The following TCEA3 variants were observed in gnomAD, a reference collection of about 807,000 sequenced individuals.
TCEA3 encodes transcription elongation factor A3.
A neutral mutation model predicts 44.0 loss-of-function variants in TCEA3; 36 were observed. The observed-to-expected ratio is 0.82, with a 90% CI of 0.63 to 1.08. The LOEUF (loss-of-function observed/expected upper bound fraction) is 1.08, where lower values mean the gene tolerates loss of function less well. Ranked by LOEUF, TCEA3 falls within the 50% of genes least tolerant of loss-of-function variation. TCEA3 has a pLI of 0.00. For missense variants in TCEA3, 392 were observed against 441.2 expected, an observed-to-expected ratio of 0.89 and a Z score of 1.00; for synonymous variants, 162 against 159.7, an observed-to-expected ratio of 1.01 and a Z score of -0.11.
chr1:23,402,454 C>T lies in TCEA3; in HGVS notation c.444-4499G>A, dbSNP rs547900082. Among the ~76,000 whole-genome samples the T allele has an allele frequency of 1.4e-4, 22 of 152,328 alleles. No homozygotes were observed. In the East Asian group the frequency reaches 1.5e-3, roughly 11 times the overall value. On this transcript the variant is annotated intron_variant, in intron 5 of 10. Transcript: ENST00000450454. ...CATGCCATGCTCTCCGCATGGTTTA[C>T]GGAAGGCCTCCACAGCACTGCTTCT...
chr1:23,409,890 C>T (rs965577140), intron 4 of TCEA3, among the ~76,000 whole-genome samples: 2 of 151,868 alleles, frequency 1.3e-5, no homozygotes, highest in Admixed American at 1.3e-4. Flanking sequence ...TGTCCGACAC[C>T]CCATGTAAAT....
At chr1:23,423,597 G>T (rs1640126735) in intron 1 of TCEA3, among the ~76,000 whole-genome samples, 1 of 152,202 alleles carries the variant, frequency 6.6e-6, no homozygotes. Context: ...GGTGGCTGCA[G>T]CACATGGCTA....
At chr1:23,381,760 C>T (rs1270326628) in intron 10 of TCEA3, among the ~76,000 whole-genome samples, 1 of 152,200 alleles carries the variant, frequency 6.6e-6, no homozygotes, top group Non-Finnish European at 1.5e-5. Context: ...ACTGGGATGG[C>T]TACTAATCAC....
intron 5 of TCEA3, chr1:23,404,213 T>C (rs1639478536): frequency 2.8e-6 from 2 of 701,978 alleles, no homozygotes; most frequent in Non-Finnish European, 5.2e-6. Flanking sequence ...CTGAGAACAG[T>C]CAACTTTCTC....
Position 23,397,796 on chromosome 1 carries a change from C to G in TCEA3, c.603G>C (p.Ala201=). 1 of 1,613,892 alleles carries G rather than the reference C, an allele frequency of 6.2e-7. No individual in the cohort carries two copies. Residue 201 remains alanine, a synonymous_variant, in exon 6 of 11, where the codon GCG becomes GCC. Coordinates refer to ENST00000450454, the MANE Select transcript of TCEA3 (RefSeq NM_003196.3). ...CVEMLSAALK[A]DDDYKDYGVN... is the part of the protein sequence containing the mutation. The stretch of plus-strand genomic sequence containing the variant: ...CCCTAGCCCAGGCTCTCTCACCGTC[C>G]GCCTTCAGGGCTGCTGACAGCATCT...
intron 10 of TCEA3, chr1:23,384,084 A>G (rs2148541063): frequency 7.6e-7 from 1 of 1,310,486 alleles, no homozygotes; most frequent in Non-Finnish European, 9.7e-7. Context: ...CTCAAATGAC[A>G]GACTTGCTCA....
rs72882958 is a variant in TCEA3 at position 23,400,361 on chromosome 1, C to T, written c.444-2406G>A. Among the ~76,000 whole-genome samples, 1,086 of 143,062 alleles carry T rather than the reference C, an allele frequency of 7.6e-3. 18 individuals are homozygous for T. Among genetic ancestry groups the T allele is most frequent in the African/African-American group, 0.027 (1,033 of 37,838 alleles). The allele number at this position is 143,062 out of a possible 152,430, so 93.9% of individuals were successfully genotyped here. ...GCTAGGACTGACTACAGGCAGATGC[C>T]GCCACACCAGGCTTTTTTTTTTTTT... On this transcript the variant is annotated intron_variant, in intron 5 of 10. Transcript: ENST00000450454.
intron 3 of TCEA3, 119 bp downstream of exon 3, chr1:23,417,785 T>C: frequency 1.1e-6 from 1 of 894,668 alleles, no homozygotes; most frequent in Non-Finnish European, 1.7e-6. Flanking sequence ...CCAGAGGCCA[T>C]CTGTCACTGA....
At chr1:23,399,433 C>T (rs936895207) in intron 5 of TCEA3, among the ~76,000 whole-genome samples, 2 of 151,760 alleles carry the variant, frequency 1.3e-5, no homozygotes. Context: ...AGGGCTCCAC[C>T]CTTATGACCT....
At chr1:23,421,189 A>G (rs868222317) in intron 1 of TCEA3, among the ~76,000 whole-genome samples, 2 of 152,094 alleles carry the variant, frequency 1.3e-5, no homozygotes, top group African/African-American at 4.8e-5. Flanking sequence ...TAAGTTTTTT[A>G]CCTGTATTAT....
In TCEA3 at chr1:23,408,710, A is replaced by G; in HGVS notation, c.397T>C (p.Ser133Pro). Residue 133 changes from serine to proline, a missense_variant, in exon 5 of 11, where the codon TCC (serine) becomes CCC (proline). Coordinates refer to ENST00000450454, the MANE Select transcript of TCEA3 (RefSeq NM_003196.3). Reference protein sequence around the residue: ...DPKTRRDSVDSKSSASSSPKR... With the variant: ...DPKTRRDSVDPKSSASSSPKR... ...GGAGAGGAGGAGGCAGAAGACTTGG[A>G]GTCCACAGAGTCTCTCCTGAAAGAA... 1 of 1,609,886 alleles carries G rather than the reference A, an allele frequency of 6.2e-7. No individual in the cohort carries two copies. Among genetic ancestry groups the G allele is most frequent in the Non-Finnish European group, 8.5e-7 (1 of 1,178,198 alleles).
intron 9 of TCEA3, 138 bp downstream of exon 9, chr1:23,387,135 G>A: frequency 8.7e-7 from 1 of 1,151,596 alleles, no homozygotes; most frequent in Non-Finnish European, 1.2e-6. Context: ...TTACAGACAT[G>A]AGCCACCGCA....
chr1:23,415,579 G>C (rs1639865927), intron 4 of TCEA3, among the ~76,000 whole-genome samples: 1 of 152,230 alleles, frequency 6.6e-6, no homozygotes, highest in Non-Finnish European at 1.5e-5. Context: ...AGACCAGCCA[G>C]GGCATGAACA....
intron 1 of TCEA3, among the ~76,000 whole-genome samples, chr1:23,422,563 C>T (rs995253455): frequency 5.9e-5 from 9 of 152,084 alleles, no homozygotes; most frequent in African/African-American, 2.2e-4. Flanking sequence ...CACTGCTGGG[C>T]GGGTCCACTT....
In TCEA3 at chr1:23,381,307, A is replaced by T; in HGVS notation, c.*159T>A. 2 of 652,656 alleles carry T rather than the reference A, an allele frequency of 3.1e-6. No homozygotes were observed. The highest frequency in any genetic ancestry group is 5.6e-6 in the Non-Finnish European group (2 of 357,550). The allele number at this position is 652,656 out of a possible 1,614,324, so 40.4% of individuals were successfully genotyped here. A position where few individuals can be genotyped will look rare whatever the true frequency, so the allele number is the denominator to read the frequency against. The stretch of plus-strand genomic sequence containing the variant: ...ATTAACCAATTGTTTCTAATGACCG[A>T]TTATTAATTTGCAAGAGAATTCTTC... On this transcript the variant is annotated 3_prime_UTR_variant, in exon 11 of 11. Transcript: ENST00000450454.
chr1:23,419,452 C>A, intron 1 of TCEA3: 1 of 271,376 alleles, frequency 3.7e-6, no homozygotes, highest in Non-Finnish European at 6.9e-6. Flanking sequence ...TCCTTCCTGG[C>A]TTATTGTTGC....
chr1:23,397,253 A>C (rs1001110197), intron 7 of TCEA3, among the ~76,000 whole-genome samples: 1 of 152,192 alleles, frequency 6.6e-6, no homozygotes, highest in Non-Finnish European at 1.5e-5. Context: ...TTGGGAAATG[A>C]TTTGACCTCT....
At chr1:23,421,575 A>G (rs889177893) in intron 1 of TCEA3, among the ~76,000 whole-genome samples, 7 of 152,142 alleles carry the variant, frequency 4.6e-5, no homozygotes, top group Admixed American at 4.6e-4. Flanking sequence ...GCCAATTTCA[A>G]GCTACCAACA....
chr1:23,410,503 C>T (rs1405537934), intron 4 of TCEA3, among the ~76,000 whole-genome samples: 4 of 151,860 alleles, frequency 2.6e-5, no homozygotes, highest in Admixed American at 6.6e-5. Flanking sequence ...AAGATTAGAC[C>T]GTAAGAAAAT....
Sources: gnomAD v4.1 joint callset for allele counts (sites outside exome capture counted in the v4.1 genomes callset) on GRCh38, gnomAD v4.1.1 for gene constraint, MANE v1.5 for transcripts, NCBI Gene and HGNC (gene_info 2026-07-23, HGNC 2026-07-21) for gene names.